The following FOXP1 variants were observed in gnomAD, a reference collection of about 807,000 sequenced individuals.
FOXP1 encodes forkhead box protein P1.
FOXP1 carries 15 observed loss-of-function variants against 98.2 expected under a neutral mutation model. The observed-to-expected ratio is 0.15, with a 90% CI of 0.10 to 0.24. The LOEUF (loss-of-function observed/expected upper bound fraction) is 0.24, where lower values mean the gene tolerates loss of function less well. Among genes scored for constraint, FOXP1 ranks in the 10% least tolerant of loss-of-function variants. The pLI is 1.00. For synonymous variants in FOXP1, 371 were observed against 314.5 expected (o/e 1.18, Z -1.90); for missense variants, 633 against 848.5 (o/e 0.75, Z 3.15).
chr3:71,286,870 G>A (rs2072200344), intron 5 of FOXP1, among the ~76,000 whole-genome samples: 1 of 152,184 alleles, frequency 6.6e-6, no homozygotes, highest in Admixed American at 6.5e-5. Context: ...AGTAGAGGGA[G>A]AAACTAGGTG....
At chr3:71,113,713 A>AAAATAAAATAAAATG (rs2058126481) in intron 6 of FOXP1, among the ~76,000 whole-genome samples, 1 of 23,144 alleles carries the variant, frequency 4.3e-5, no homozygotes, top group East Asian at 5.2e-4. Flanking sequence ...CTTCCATCTC[A>AAAATAAAATAAAATG]AAATAAAATA....
chr3:71,361,739 G>A (rs1413151184), intron 3 of FOXP1, among the ~76,000 whole-genome samples: 2 of 152,196 alleles, frequency 1.3e-5, no homozygotes, highest in Admixed American at 1.3e-4. Context: ...GCTCAGGACT[G>A]GATGCTCAAC....
At chr3:71,196,676 A>C (rs2063320804) in intron 6 of FOXP1, among the ~76,000 whole-genome samples, 1 of 152,256 alleles carries the variant, frequency 6.6e-6, no homozygotes, top group Non-Finnish European at 1.5e-5. Flanking sequence ...TGAGAACATC[A>C]CATGAACATG....
chr3:71,197,830 T>G, intron 6 of FOXP1: 13 of 1,559,836 alleles, frequency 8.3e-6, no homozygotes, highest in Non-Finnish European at 1.1e-5. Flanking sequence ...TTCACAGGCT[T>G]AAGCCTGTTT....
chr3:71,107,224 T>C (rs1046871668), intron 7 of FOXP1, among the ~76,000 whole-genome samples: 1 of 152,106 alleles, frequency 6.6e-6, no homozygotes, highest in Non-Finnish European at 1.5e-5. Context: ...TGCACCAAAA[T>C]TTTGGAGGCA....
chr3:71,199,064 A>C, intron 5 of FOXP1, among the ~76,000 whole-genome samples: 1 of 151,984 alleles, frequency 6.6e-6, no homozygotes, highest in East Asian at 1.9e-4. Flanking sequence ...TATTAGGTAT[A>C]AACATTAAAT....
At chr3:71,292,879 T>A (rs573715012) in intron 5 of FOXP1, among the ~76,000 whole-genome samples, 1 of 152,304 alleles carries the variant, frequency 6.6e-6, no homozygotes, top group East Asian at 1.9e-4. Context: ...TTCATCTTCA[T>A]TTCAAATTCA....
At chr3:71,489,787 A>C (rs760643190) in intron 3 of FOXP1, among the ~76,000 whole-genome samples, 25 of 152,244 alleles carry the variant, frequency 1.6e-4, no homozygotes, top group Admixed American at 7.8e-4. Flanking sequence ...CGCCGGCATC[A>C]ATCGAGTACA....
At chr3:71,101,814 TA>T (rs1416766536) in intron 7 of FOXP1, among the ~76,000 whole-genome samples, 1 of 152,150 alleles carries the variant, frequency 6.6e-6, no homozygotes, top group African/African-American at 2.4e-5. Context: ...ACTACCCATT[TA>T]AACTCCACAT....
intron 7 of FOXP1, among the ~76,000 whole-genome samples, chr3:71,088,342 T>C (rs1328952257): frequency 5.3e-5 from 8 of 152,186 alleles, no homozygotes; most frequent in Non-Finnish European, 1.2e-4. Context: ...TAATCTACTT[T>C]GTTTTCTTAC....
chr3:70,966,102 G>A (rs1279292561), intron 19 of FOXP1, 46 bp from the exon 20 acceptor site: 1 of 1,538,502 alleles, frequency 6.5e-7, no homozygotes, highest in African/African-American at 1.4e-5. Context: ...GGGTATGTAA[G>A]ACAAGGAAAC....
chr3:71,161,875 A>G (rs2108145671), intron 6 of FOXP1, among the ~76,000 whole-genome samples: 1 of 152,332 alleles, frequency 6.6e-6, no homozygotes, highest in South Asian at 2.1e-4. Flanking sequence ...CACTACATAG[A>G]TAAAAATCAA....
At chr3:71,270,348 T>C (rs2070218721) in intron 5 of FOXP1, among the ~76,000 whole-genome samples, 1 of 152,182 alleles carries the variant, frequency 6.6e-6, no homozygotes, top group Non-Finnish European at 1.5e-5. Flanking sequence ...AAAAATGATG[T>C]GCCTCTACGA....
In FOXP1 at chr3:71,046,823, A is replaced by G. The variant is rs1576412560; in HGVS notation, c.664+119T>C. On this transcript the variant is annotated intron_variant, in intron 10 of 20. Transcript: ENST00000649528. ...ATCATTATCCCACTCCACTTTTCTT[A>G]AAAGAATCTATGTGCATGTTTTGAT... 18 of 1,227,446 alleles carry G rather than the reference A, an allele frequency of 1.5e-5. No individual in the cohort carries two copies. In the East Asian group the frequency reaches 4.2e-4, roughly 29 times the overall value. 76.0% of individuals were successfully genotyped at this position (1,227,446 alleles called of 1,614,324 possible).
At chr3:71,316,562 G>A (rs1466393720) in intron 4 of FOXP1, among the ~76,000 whole-genome samples, 1 of 152,108 alleles carries the variant, frequency 6.6e-6, no homozygotes, top group Admixed American at 6.5e-5. Flanking sequence ...ATCCACCACA[G>A]AGCTGCCTTC....
intron 5 of FOXP1, among the ~76,000 whole-genome samples, chr3:71,220,576 T>C (rs2065284124): frequency 1.3e-5 from 2 of 151,088 alleles, no homozygotes; most frequent in South Asian, 4.2e-4. Context: ...AGCAAAACTC[T>C]GTCTCTATCA....
intron 6 of FOXP1, among the ~76,000 whole-genome samples, chr3:71,151,407 G>A (rs2060567061): frequency 6.6e-6 from 1 of 152,182 alleles, no homozygotes; most frequent in Admixed American, 6.5e-5. Context: ...GAGCACTTAT[G>A]ATTGTGGGGA....
intron 11 of FOXP1, among the ~76,000 whole-genome samples, chr3:71,021,714 A>G (rs2045469916): frequency 6.6e-6 from 1 of 152,198 alleles, no homozygotes; most frequent in South Asian, 2.1e-4. Context: ...TATTCCAGCC[A>G]TCCTCACAGC....
intron 4 of FOXP1, among the ~76,000 whole-genome samples, chr3:71,325,117 A>G (rs552203255): frequency 4.2e-5 from 6 of 144,422 alleles, no homozygotes; most frequent in African/African-American, 1.5e-4. Context: ...CAATGGCTCC[A>G]TCTCAGCTCA....
Sources: gnomAD v4.1 joint callset for allele counts (sites outside exome capture counted in the v4.1 genomes callset) on GRCh38, gnomAD v4.1.1 for gene constraint, MANE v1.5 for transcripts, NCBI Gene and HGNC (gene_info 2026-07-23, HGNC 2026-07-21) for gene names.